Variants in ASCC3 observed in about 807,000 individuals in gnomAD.
ASCC3 encodes the protein ASC-1 complex subunit P200.
In ASCC3, 158 loss-of-function variants were observed where a neutral mutation model predicts 256.3. The observed-to-expected ratio is 0.62, with a 90% CI of 0.54 to 0.70. ASCC3 has a LOEUF of 0.70. ASCC3 is among the 30% of genes least tolerant of loss of function. The pLI is 0.00. For missense variants in ASCC3, 2,259 were observed against 2,626.0 expected, an observed-to-expected ratio of 0.86 and a Z score of 3.05; for synonymous variants, 948 against 883.4, an observed-to-expected ratio of 1.07 and a Z score of -1.30.
chr6:100,566,833 A>G (rs1770278271), intron 36 of ASCC3, among the ~76,000 whole-genome samples: 1 of 151,840 alleles, frequency 6.6e-6, no homozygotes, highest in African/African-American at 2.4e-5. Flanking sequence ...AAGGAAGGAT[A>G]CTCCTAGCTG....
intron 8 of ASCC3, among the ~76,000 whole-genome samples, chr6:100,777,198 T>C (rs1185317090): frequency 6.6e-6 from 1 of 152,162 alleles, no homozygotes; most frequent in East Asian, 1.9e-4. Flanking sequence ...AATTTTTTCA[T>C]TTAAAGGTCT....
At chr6:100,786,288 A>G (rs901547676) in intron 8 of ASCC3, among the ~76,000 whole-genome samples, 2 of 152,150 alleles carry the variant, frequency 1.3e-5, no homozygotes, top group African/African-American at 2.4e-5. Context: ...ATGGTATGTC[A>G]TTATATTAAA....
chr6:100,758,777 C>T (rs1263550718), intron 10 of ASCC3, among the ~76,000 whole-genome samples: 1 of 152,224 alleles, frequency 6.6e-6, no homozygotes, highest in East Asian at 1.9e-4. Flanking sequence ...ATTGTTGAGT[C>T]AAATGGTATT....
chr6:100,574,315 A>G (rs1017545658), intron 36 of ASCC3, among the ~76,000 whole-genome samples: 1 of 152,136 alleles, frequency 6.6e-6, no homozygotes, highest in African/African-American at 2.4e-5. Context: ...TAGATAAAAG[A>G]GCAAAATAAG....
At chr6:100,523,671 C>T (rs578164545) in intron 37 of ASCC3, among the ~76,000 whole-genome samples, 5 of 152,302 alleles carry the variant, frequency 3.3e-5, no homozygotes, top group South Asian at 2.1e-4. Flanking sequence ...GAATTTCCTA[C>T]GCATAACAGG....
intron 16 of ASCC3, among the ~76,000 whole-genome samples, chr6:100,657,657 T>C (rs1218817155): frequency 2.0e-5 from 3 of 151,502 alleles, no homozygotes; most frequent in Non-Finnish European, 4.4e-5. Flanking sequence ...ATAAGCTTGC[T>C]ATTATTTTCA....
intron 10 of ASCC3, among the ~76,000 whole-genome samples, chr6:100,760,931 A>G (rs1473122600): frequency 6.6e-6 from 1 of 152,204 alleles, no homozygotes; most frequent in Non-Finnish European, 1.5e-5. Context: ...TAAAGGCTGG[A>G]AACTTCCCAA....
chr6:100,874,733 T>C (rs1254281027), intron 1 of ASCC3, among the ~76,000 whole-genome samples: 1 of 151,652 alleles, frequency 6.6e-6, no homozygotes, highest in Non-Finnish European at 1.5e-5. Flanking sequence ...GAAAGAAAAA[T>C]AGTTGCAATA....
chr6:100,656,467 TTTTA>T (rs1442250173), intron 16 of ASCC3, among the ~76,000 whole-genome samples: 1 of 151,548 alleles, frequency 6.6e-6, no homozygotes, highest in Non-Finnish European at 1.5e-5. Context: ...AGGGAGTGGT[TTTTA>T]TTTATCAGTA....
intron 25 of ASCC3, among the ~76,000 whole-genome samples, chr6:100,637,640 C>A (rs1774907253): frequency 6.6e-6 from 1 of 152,008 alleles, no homozygotes; most frequent in Non-Finnish European, 1.5e-5. Context: ...CCATTAAGAA[C>A]ATTCATGATT....
In ASCC3 at chr6:100,629,121, A is replaced by C; in HGVS notation, c.4269T>G (p.Leu1423=). The C allele has an allele frequency of 6.2e-7, 1 of 1,613,798 alleles. No homozygotes were observed. Among genetic ancestry groups the C allele is most frequent in the Non-Finnish European group, 8.5e-7 (1 of 1,179,864 alleles). Reference sequence around the variant, plus strand: ...CCCACTTCTCTGGCGTAGTGACGATAAGGTCAGCCTTGGCAATGGATTTCA... The same window carrying C: ...CCCACTTCTCTGGCGTAGTGACGATCAGGTCAGCCTTGGCAATGGATTTCA... ...PDMKSIAKAD[L]IVTTPEKWDG... Residue 1423 remains leucine (L), a synonymous_variant, in exon 27 of 42, where the codon CTT becomes CTG. Transcript: ENST00000369162.
intron 4 of ASCC3, among the ~76,000 whole-genome samples, chr6:100,824,370 T>G (rs139810630): frequency 1.8e-3 from 275 of 152,266 alleles, no homozygotes; most frequent in African/African-American, 6.4e-3. Context: ...AAGTCAAAAA[T>G]AAGTCTACTT....
chr6:100,668,715 C>T (rs1307640226), intron 14 of ASCC3, among the ~76,000 whole-genome samples: 1 of 151,654 alleles, frequency 6.6e-6, no homozygotes, highest in Non-Finnish European at 1.5e-5. Flanking sequence ...AACAAAATGC[C>T]ACAACTAAGT....
intron 37 of ASCC3, among the ~76,000 whole-genome samples, chr6:100,527,240 C>G (rs1774619972): frequency 1.3e-5 from 2 of 152,086 alleles, no homozygotes; most frequent in Admixed American, 1.3e-4. Context: ...TATAATCTAC[C>G]CATCTTTTTC....
chr6:100,566,422 C>CATACTATGG (rs1220345259), intron 36 of ASCC3, among the ~76,000 whole-genome samples: 2 of 152,138 alleles, frequency 1.3e-5, no homozygotes, highest in African/African-American at 4.8e-5. Flanking sequence ...CTATGGCCAC[C>CATACTATGG]TCAATGTATT....
At chr6:100,611,692 G>C (rs1773404818) in intron 30 of ASCC3, among the ~76,000 whole-genome samples, 1 of 151,818 alleles carries the variant, frequency 6.6e-6, no homozygotes, top group Non-Finnish European at 1.5e-5. Flanking sequence ...TCTTAGCCCT[G>C]GTTCCATGAG....
At chr6:100,730,176 G>A (rs1404432601) in intron 10 of ASCC3, among the ~76,000 whole-genome samples, 6 of 151,872 alleles carry the variant, frequency 4.0e-5, no homozygotes, top group African/African-American at 1.2e-4. Context: ...GGTTGCACAT[G>A]CCTGTAGTCT....
chr6:100,821,305 C>A (rs1350410260), intron 4 of ASCC3, among the ~76,000 whole-genome samples: 4 of 152,166 alleles, frequency 2.6e-5, no homozygotes, highest in East Asian at 3.9e-4. Flanking sequence ...CATGAGCCAC[C>A]ATGTGCAGCC....
At chr6:100,657,982 AT>A (rs1418534405) in intron 16 of ASCC3, among the ~76,000 whole-genome samples, 3 of 151,448 alleles carry the variant, frequency 2.0e-5, no homozygotes, top group Non-Finnish European at 4.4e-5. Context: ...TTTGAAATTT[AT>A]TCCCTCATCT....
Sources: allele counts gnomAD v4.1 joint callset (sites outside exome capture counted in the v4.1 genomes callset), GRCh38; gene constraint gnomAD v4.1.1; transcripts MANE v1.5; gene names NCBI Gene and HGNC (gene_info 2026-07-23, HGNC 2026-07-21).